GPR26: variants seen among roughly 807,000 people sequenced by gnomAD.
The protein encoded by GPR26 is G protein-coupled receptor 26.
GPR26 carries 15 observed loss-of-function variants against 23.1 expected under a neutral mutation model. The ratio of observed to expected loss-of-function variants is 0.65; its 90% confidence interval spans 0.43 to 1.00. The LOEUF (loss-of-function observed/expected upper bound fraction) is 1.00, where lower values mean the gene tolerates loss of function less well. GPR26 is among the 50% of genes least tolerant of loss of function. The pLI, the probability that GPR26 is intolerant of heterozygous loss-of-function variation, is 0.00. For missense variants in GPR26, 359 were observed against 470.5 expected, an observed-to-expected ratio of 0.76 and a Z score of 2.19; for synonymous variants, 228 against 222.1, an observed-to-expected ratio of 1.03 and a Z score of -0.24.
intron 2 of GPR26, among the ~76,000 whole-genome samples, chr10:123,680,607 T>TA (rs1009487226): frequency 6.6e-6 from 1 of 152,050 alleles, no homozygotes; most frequent in African/African-American, 2.4e-5. Flanking sequence ...TCCATAGAAA[T>TA]AAAAATCAAA....
chr10:123,671,231 C>A (rs746517685), intron 1 of GPR26, among the ~76,000 whole-genome samples: 5 of 152,218 alleles, frequency 3.3e-5, no homozygotes, highest in African/African-American at 4.8e-5. Flanking sequence ...GCTGAGATCA[C>A]CTCGTTGATT....
chr10:123,667,213 C>G, intron 1 of GPR26, 138 bp downstream of exon 1: 1 of 696,998 alleles, frequency 1.4e-6, no homozygotes, highest in Non-Finnish European at 2.3e-6. Context: ...AGCGGCCCAG[C>G]TGTGGGGCTT....
intron 1 of GPR26, among the ~76,000 whole-genome samples, chr10:123,673,944 C>CTTT (rs1845278794): frequency 6.6e-6 from 1 of 150,408 alleles, no homozygotes; most frequent in African/African-American, 2.5e-5. Flanking sequence ...TCTTCTTCTT[C>CTTT]CTTTTCTTCT....
chr10:123,685,339 G>A (rs1164561913), intron 2 of GPR26, among the ~76,000 whole-genome samples: 1 of 152,194 alleles, frequency 6.6e-6, no homozygotes, highest in Admixed American at 6.5e-5. Context: ...TGGCAATATC[G>A]AAACCCTTGC....
In GPR26 at chr10:123,674,404, G is replaced by GA. The variant is rs754807004; in HGVS notation, c.669-413dup. ...ACTCTGGAGCCAGCCCATAGCAGATGATCAGTGAATGATATGAGCAATAAT... is the reference window on the plus strand; with the variant it reads ...ACTCTGGAGCCAGCCCATAGCAGATGAATCAGTGAATGATATGAGCAATAAT... On this transcript the variant is annotated intron_variant, in intron 1 of 2. Transcript: ENST00000284674. This position sits in a 1 kb window ranked among gnomAD's most constrained non-coding sequence, Gnocchi z 4.1. Among the ~76,000 whole-genome samples, 13 of 152,226 alleles carry GA rather than the reference G, an allele frequency of 8.5e-5. No homozygotes were observed. Among genetic ancestry groups the GA allele is most frequent in the Non-Finnish European group, 1.2e-4 (8 of 68,040 alleles).
intron 1 of GPR26, among the ~76,000 whole-genome samples, chr10:123,667,865 C>A (rs1845205576): frequency 6.6e-6 from 1 of 152,154 alleles, no homozygotes; most frequent in African/African-American, 2.4e-5. Context: ...ATCGCAGGAG[C>A]CTGTCAGGGA....
chr10:123,667,211 A>G, intron 1 of GPR26, 136 bp downstream of exon 1: 2 of 705,816 alleles, frequency 2.8e-6, no homozygotes, highest in South Asian at 4.1e-5. Flanking sequence ...AAAGCGGCCC[A>G]GCTGTGGGGC....
intron 2 of GPR26, among the ~76,000 whole-genome samples, chr10:123,684,452 T>C (rs1845410080): frequency 6.6e-6 from 1 of 152,140 alleles, no homozygotes; most frequent in African/African-American, 2.4e-5. Context: ...GCATCTTGGT[T>C]TGCTAGGGCT....
intron 2 of GPR26, 72 bp from the exon 3 acceptor site, chr10:123,687,857 G>C: frequency 9.8e-7 from 1 of 1,025,448 alleles, no homozygotes; most frequent in South Asian, 1.3e-5. Context: ...GGCACAGACA[G>C]GCCCTGGCCC....
rs552818248 is a variant in GPR26, at chr10:123,696,856, T to C, written c.*8696T>C. Reference sequence around the variant, plus strand: ...TTGTGTGCCCATGAGCATATGCATATGGGTGAATGTTTGTGTGCCCATGAG... The same window carrying C: ...TTGTGTGCCCATGAGCATATGCATACGGGTGAATGTTTGTGTGCCCATGAG... On this transcript the variant is annotated 3_prime_UTR_variant, in exon 3 of 3. Coordinates refer to ENST00000284674, the MANE Select transcript of GPR26 (RefSeq NM_153442.4). Among the ~76,000 whole-genome samples the C allele has an allele frequency of 2.6e-5, 4 of 152,094 alleles. No individual in the cohort carries two copies. Among genetic ancestry groups the C allele is most frequent in the African/African-American group, 7.2e-5 (3 of 41,416 alleles).
At chr10:123,680,997 G>C (rs1014229008) in intron 2 of GPR26, among the ~76,000 whole-genome samples, 1 of 151,924 alleles carries the variant, frequency 6.6e-6, no homozygotes, top group South Asian at 2.1e-4. Context: ...GCACCATCAG[G>C]CTGGGTGATT....
rs137896346 is a variant in GPR26, at chr10:123,689,528, T to G, written c.*1368T>G. The G allele has an allele frequency of 2.0e-5, 3 of 152,336 alleles. No homozygotes were observed. In the East Asian group the frequency reaches 5.8e-4, roughly 29 times the overall value. The allele number at this position is 152,336 out of a possible 1,614,324, so 9.4% of individuals were successfully genotyped here. ...TGTGAATACTCAGAGCAGTTATTTTTCAATCCTCCACTCTAAGTGATTCCT... is the reference window on the plus strand; with the variant it reads ...TGTGAATACTCAGAGCAGTTATTTTGCAATCCTCCACTCTAAGTGATTCCT... On this transcript the variant is annotated 3_prime_UTR_variant, in exon 3 of 3. Coordinates refer to ENST00000284674, the MANE Select transcript of GPR26 (RefSeq NM_153442.4).
intron 2 of GPR26, among the ~76,000 whole-genome samples, chr10:123,681,559 G>C (rs1184824817): frequency 6.6e-6 from 1 of 152,194 alleles, no homozygotes; most frequent in East Asian, 1.9e-4. Flanking sequence ...GTTGACGTCA[G>C]ATGGCAGCTG....
At chr10:123,672,485 G>C (rs1396422858) in intron 1 of GPR26, among the ~76,000 whole-genome samples, 1 of 152,174 alleles carries the variant, frequency 6.6e-6, no homozygotes, top group Non-Finnish European at 1.5e-5. Flanking sequence ...GTCCCTGGAG[G>C]CCCAGGGAGG....
intron 1 of GPR26, among the ~76,000 whole-genome samples, chr10:123,669,775 C>T (rs1458584906): frequency 6.6e-6 from 1 of 152,160 alleles, no homozygotes; most frequent in Non-Finnish European, 1.5e-5. Flanking sequence ...TCCAAAATAC[C>T]CGGGACCCTC....
rs1845538030 is a variant in GPR26 at position 123,695,827 on chromosome 10, C to A, written c.*7667C>A. On this transcript the variant is annotated 3_prime_UTR_variant, in exon 3 of 3. Coordinates refer to ENST00000284674, the MANE Select transcript of GPR26 (RefSeq NM_153442.4). ...GCTGAAATTGTTCCAAACCTCAACA[C>A]TCCTGTTTTACAACAAACATGTAAA... is the stretch of plus-strand genomic sequence containing the variant. Among the ~76,000 whole-genome samples, 1 of 152,214 alleles carries A rather than the reference C, an allele frequency of 6.6e-6. No individual in the cohort carries two copies. Among genetic ancestry groups the A allele is most frequent in the Non-Finnish European group, 1.5e-5 (1 of 68,040 alleles).
intron 2 of GPR26, among the ~76,000 whole-genome samples, chr10:123,684,936 A>T (rs564885095): frequency 2.6e-5 from 4 of 152,218 alleles, no homozygotes; most frequent in African/African-American, 4.8e-5. Flanking sequence ...CCTGAGCCCA[A>T]TAACCCCTCA....
chr10:123,673,550 A>G (rs2133923683), intron 1 of GPR26, among the ~76,000 whole-genome samples: 1 of 152,240 alleles, frequency 6.6e-6, no homozygotes, highest in East Asian at 1.9e-4. Flanking sequence ...AAACAGGGTT[A>G]CAGTTGGAGG....
At chr10:123,686,270 C>A (rs1311121481) in intron 2 of GPR26, among the ~76,000 whole-genome samples, 1 of 152,196 alleles carries the variant, frequency 6.6e-6, no homozygotes, top group African/African-American at 2.4e-5. Context: ...TGTTGGCATT[C>A]AGCTAATTCA....
Sources: allele counts gnomAD v4.1 joint callset (sites outside exome capture counted in the v4.1 genomes callset), GRCh38; gene constraint gnomAD v4.1.1; non-coding constraint Gnocchi (gnomAD v3.1); transcripts MANE v1.5; gene names NCBI Gene and HGNC (gene_info 2026-07-23, HGNC 2026-07-21).